LIMCH1: variants seen among roughly 807,000 people sequenced by gnomAD.
LIMCH1 encodes LIM and calponin homology domains-containing protein 1.
Under a neutral mutation model 176.5 loss-of-function variants are expected in LIMCH1, and 113 were observed. The observed-to-expected ratio is 0.64, with a 90% CI of 0.55 to 0.75. The LOEUF (loss-of-function observed/expected upper bound fraction) is 0.75. LIMCH1 is among the 30% of genes least tolerant of loss of function. The pLI is 0.00. For synonymous variants in LIMCH1, 619 were observed against 645.9 expected (o/e 0.96, Z 0.63); for missense variants, 1,674 against 1,814.9 (o/e 0.92, Z 1.41).
chr4:41,683,022 G>T (rs184112386), intron 26 of LIMCH1, among the ~76,000 whole-genome samples: 8 of 151,978 alleles, frequency 5.3e-5, no homozygotes, highest in African/African-American at 1.9e-4. Flanking sequence ...TTAAACAAAG[G>T]GGGGCAGTAT....
chr4:41,684,428 A>G lies in LIMCH1; in HGVS notation c.3877A>G (p.Asn1293Asp). ...LTEGALAHSG[N>D]PVSKGVHEDH... The stretch of plus-strand genomic sequence containing the variant: ...TGAAGGGGCCTTGGCTCATTCTGGG[A>G]ACCCTGTATCAAAAGGAGTCCATGA... The change falls in exon 27 of 32, where the codon AAC becomes GAC. Residue 1293 changes from asparagine (N) to aspartate (D), a missense_variant. Around this residue, in one of 3 missense-constraint regions of LIMCH1, gnomAD observed 1,015 missense variants for 1,102.5 expected, o/e 0.92. Transcript: ENST00000503057. 6.2e-7 allele frequency: 1 copy of G among 1,613,762 alleles called. No individual in the cohort carries two copies. Among genetic ancestry groups the G allele is most frequent in the Non-Finnish European group, 8.5e-7 (1 of 1,179,812 alleles).
rs545202896 is a variant in LIMCH1 at position 41,650,432 on chromosome 4, A to G, written c.2860A>G (p.Arg954Gly). ...KVSVNGETVH[R>G]EEEKERECPT... ...CAGTGTGAATGGAGAGACGGTTCAT[A>G]GAGAGGAGGAGAAGGAAAGAGAGTG... Residue 954 changes from arginine to glycine, a missense_variant, in exon 18 of 32, where the codon AGA becomes GGA. Transcript: ENST00000503057. 1.2e-6 allele frequency: 2 copies of G among 1,614,114 alleles called. No individual in the cohort carries two copies. The highest frequency in any genetic ancestry group is 2.7e-5 in the African/African-American group (2 of 75,032).
chr4:41,666,726 T>C, intron 21 of LIMCH1, 60 bp downstream of exon 21: 1 of 1,103,372 alleles, frequency 9.1e-7, no homozygotes, highest in South Asian at 1.3e-5. Context: ...TAGTAAACTA[T>C]TACTTAATTT....
At chr4:41,690,705 A>C (rs1332320122) in intron 30 of LIMCH1, among the ~76,000 whole-genome samples, 1 of 152,178 alleles carries the variant, frequency 6.6e-6, no homozygotes, top group Non-Finnish European at 1.5e-5. Context: ...TTGTCCCCAA[A>C]TTACTAATTT....
At position 41,672,720 on chromosome 4, in the gene LIMCH1, G is replaced by A. The variant is rs73813409; in HGVS notation, c.3438+1126G>A. ...ACTGGTATTTCTAATCTCAGGCCTT[G>A]TTCGCCCTCTGGAATTCCCATTAGA... On this transcript the variant is annotated intron_variant, in intron 22 of 31. Coordinates refer to ENST00000503057, the MANE Select transcript of LIMCH1 (RefSeq NM_001330672.2). Among the ~76,000 whole-genome samples, 955 of 152,270 alleles carry A rather than the reference G, an allele frequency of 6.3e-3. 5 individuals are homozygous for A. Among genetic ancestry groups the A allele is most frequent in the African/African-American group, 0.022 (918 of 41,546 alleles).
At chr4:41,681,854 C>G (rs16853458) in intron 25 of LIMCH1, among the ~76,000 whole-genome samples, 1 of 151,930 alleles carries the variant, frequency 6.6e-6, no homozygotes, top group African/African-American at 2.4e-5. Context: ...AATGAACTTA[C>G]GTAGAACAGC....
chr4:41,557,192 C>T (rs10029648), intron 1 of LIMCH1, among the ~76,000 whole-genome samples: 36,871 of 152,056 alleles, frequency 0.24, 5,766 homozygotes, highest in African/African-American at 0.44. Flanking sequence ...TGGTTCTCAT[C>T]TTTCCATAGC....
chr4:41,560,102 G>A (rs2081873230), intron 1 of LIMCH1, among the ~76,000 whole-genome samples: 1 of 152,038 alleles, frequency 6.6e-6, no homozygotes. Flanking sequence ...TCCTCCATCT[G>A]CATTCCTTAT....
intron 1 of LIMCH1, among the ~76,000 whole-genome samples, chr4:41,490,362 G>A (rs1328765517): frequency 4.0e-5 from 6 of 150,894 alleles, no homozygotes; most frequent in Non-Finnish European, 7.4e-5. Flanking sequence ...TAATAGTGGA[G>A]AGAAGGTCAG....
chr4:41,670,887 T>TG, intron 21 of LIMCH1: 1 of 1,489,234 alleles, frequency 6.7e-7, no homozygotes, highest in Non-Finnish European at 8.9e-7. Context: ...TTCTGATTTC[T>TG]GGGGAAAAAA....
chr4:41,546,786 A>G (rs1046549321), intron 1 of LIMCH1, among the ~76,000 whole-genome samples: 1 of 152,040 alleles, frequency 6.6e-6, no homozygotes, highest in Non-Finnish European at 1.5e-5. Flanking sequence ...AGCTCAATTC[A>G]GTGTTCCATT....
At chr4:41,631,950 C>T (rs1004054313) in intron 10 of LIMCH1, among the ~76,000 whole-genome samples, 1 of 152,138 alleles carries the variant, frequency 6.6e-6, no homozygotes, top group Non-Finnish European at 1.5e-5. Context: ...TCCTTCCTCC[C>T]CCACTTTTTA....
At chr4:41,546,786 A>T (rs1046549321) in intron 1 of LIMCH1, among the ~76,000 whole-genome samples, 22 of 152,156 alleles carry the variant, frequency 1.4e-4, no homozygotes, top group African/African-American at 5.1e-4. Flanking sequence ...AGCTCAATTC[A>T]GTGTTCCATT....
At chr4:41,376,282 C>T (rs191674759) in intron 1 of LIMCH1, among the ~76,000 whole-genome samples, 21 of 152,194 alleles carry the variant, frequency 1.4e-4, no homozygotes, top group African/African-American at 4.8e-4. Flanking sequence ...CAATCTCTGC[C>T]ACTGTTTGGC....
Position 41,687,902 on chromosome 4 carries a change from G to A in LIMCH1, c.4151G>A (p.Gly1384Asp). 1 of 1,613,216 alleles carries A rather than the reference G, an allele frequency of 6.2e-7. No individual in the cohort carries two copies. The highest frequency in any genetic ancestry group is 8.5e-7 in the Non-Finnish European group (1 of 1,179,576). The change falls in exon 29 of 32, where the codon GGT (glycine) becomes GAT (aspartate). Residue 1384 changes from glycine (G) to aspartate (D), a missense_variant. Gly to Asp is a moderately conservative substitution (Grantham distance 94). Transcript: ENST00000503057. ...TCTCCCTGTTCTCCCACCCCTCCCG[G>A]TCAGTCACCAAACAGGTACAAGAGG... The part of the protein sequence containing the change: ...PFSPCSPTPP[G>D]QSPNRSISGK...
intron 1 of LIMCH1, among the ~76,000 whole-genome samples, chr4:41,398,805 C>T (rs188498767): frequency 6.6e-6 from 1 of 152,266 alleles, no homozygotes; most frequent in Non-Finnish European, 1.5e-5. Context: ...TCTCCCATCC[C>T]AAGTGTCTCT....
intron 1 of LIMCH1, among the ~76,000 whole-genome samples, chr4:41,402,461 C>T (rs2058548613): frequency 6.8e-6 from 1 of 147,346 alleles, no homozygotes; most frequent in Admixed American, 6.8e-5. Flanking sequence ...TTTGACCCAG[C>T]CATCCCATTA....
At chr4:41,646,991 ACAAAAGAAAAATGTGT>A in intron 17 of LIMCH1, 98 bp downstream of exon 17, 1 of 1,172,410 alleles carries the variant, frequency 8.5e-7, no homozygotes, top group Non-Finnish European at 1.2e-6. Flanking sequence ...TTTTTACCAT[ACAAAAGAAAAATGTGT>A]TGACATTTAC....
At chr4:41,371,960 A>T (rs1029323317) in intron 1 of LIMCH1, among the ~76,000 whole-genome samples, 3 of 152,214 alleles carry the variant, frequency 2.0e-5, no homozygotes, top group Admixed American at 6.5e-5. Context: ...TTCATGTGAG[A>T]TTTTTATTAA....
Sources: allele counts gnomAD v4.1 joint callset (sites outside exome capture counted in the v4.1 genomes callset), GRCh38; gene constraint gnomAD v4.1.1; regional missense constraint gnomAD v4.1.1; transcripts MANE v1.5; gene names NCBI Gene and HGNC (gene_info 2026-07-23, HGNC 2026-07-21).